The following GPC6 variants were observed in gnomAD, a reference collection of about 807,000 sequenced individuals.
GPC6 encodes glypican 6, also known as glypican-6.
GPC6 carries 14 observed loss-of-function variants against 55.2 expected under a neutral mutation model. The ratio of observed to expected loss-of-function variants is 0.25; its 90% CI spans 0.17 to 0.40. The LOEUF is 0.40. GPC6 is among the 10% of genes least tolerant of loss of function. GPC6 has a pLI of 1.00. For missense variants in GPC6, 641 were observed against 708.5 expected, an observed-to-expected ratio of 0.90 and a Z score of 1.08; for synonymous variants, 278 against 259.6, an observed-to-expected ratio of 1.07 and a Z score of -0.68.
intron 4 of GPC6, among the ~76,000 whole-genome samples, chr13:94,134,538 C>T (rs937928506): frequency 6.6e-6 from 1 of 152,154 alleles, no homozygotes; most frequent in Non-Finnish European, 1.5e-5. Context: ...CATAAACGTG[C>T]CCATTAGTTT....
chr13:93,987,713 C>T (rs1881094814), intron 3 of GPC6, among the ~76,000 whole-genome samples: 1 of 152,068 alleles, frequency 6.6e-6, no homozygotes, highest in Non-Finnish European at 1.5e-5. Context: ...CACTGTGACC[C>T]CCCTTCTTTT....
intron 1 of GPC6, among the ~76,000 whole-genome samples, chr13:93,425,745 T>C (rs1877101735): frequency 6.6e-6 from 1 of 152,180 alleles, no homozygotes; most frequent in Non-Finnish European, 1.5e-5. Context: ...CCATTTCCTA[T>C]GGCATAAATT....
chr13:93,301,591 C>T (rs536843865), intron 1 of GPC6, among the ~76,000 whole-genome samples: 4 of 152,266 alleles, frequency 2.6e-5, no homozygotes, highest in African/African-American at 9.6e-5. Context: ...ACTGTTGCTC[C>T]TTCTATAGTC....
At chr13:93,772,147 TA>T (rs1885322685) in intron 2 of GPC6, among the ~76,000 whole-genome samples, 2 of 152,176 alleles carry the variant, frequency 1.3e-5, no homozygotes, top group African/African-American at 2.4e-5. Context: ...AAAATAGTAA[TA>T]AAATGTCACT....
At chr13:93,874,660 C>G (rs1230032894) in intron 3 of GPC6, among the ~76,000 whole-genome samples, 2 of 150,622 alleles carry the variant, frequency 1.3e-5, no homozygotes, top group African/African-American at 4.9e-5. Context: ...CGTGTCTGTC[C>G]AACTAGATAG....
intron 1 of GPC6, among the ~76,000 whole-genome samples, chr13:93,468,061 G>T (rs1334916766): frequency 6.6e-6 from 1 of 152,074 alleles, no homozygotes; most frequent in South Asian, 2.1e-4. Flanking sequence ...TCAATCATTT[G>T]TCTTGATCTT....
intron 3 of GPC6, among the ~76,000 whole-genome samples, chr13:93,889,494 T>C (rs1875538580): frequency 6.6e-6 from 1 of 152,154 alleles, no homozygotes; most frequent in South Asian, 2.1e-4. Flanking sequence ...TATGGAGCTA[T>C]GGTTATCATC....
intron 8 of GPC6, among the ~76,000 whole-genome samples, chr13:94,402,678 T>C (rs1038742303): frequency 6.6e-6 from 1 of 152,274 alleles, no homozygotes; most frequent in Non-Finnish European, 1.5e-5. Context: ...GTTAATTAAC[T>C]CACAGTTCAG....
chr13:93,476,319 C>A (rs915411245), intron 1 of GPC6, among the ~76,000 whole-genome samples: 1 of 151,860 alleles, frequency 6.6e-6, no homozygotes, highest in South Asian at 2.1e-4. Context: ...TGTGCATGCG[C>A]GCAACTAAAT....
intron 4 of GPC6, among the ~76,000 whole-genome samples, chr13:94,054,912 AT>A (rs1884079141): frequency 6.6e-6 from 1 of 152,154 alleles, no homozygotes; most frequent in Admixed American, 6.5e-5. Context: ...TCAAACCCGA[AT>A]TAATCTTATT....
chr13:93,414,071 C>G (rs1331096563), intron 1 of GPC6, among the ~76,000 whole-genome samples: 1 of 152,182 alleles, frequency 6.6e-6, no homozygotes, highest in African/African-American at 2.4e-5. Flanking sequence ...TGAACAGGGA[C>G]CACATATTTG....
At chr13:93,950,569 T>C (rs1879208402) in intron 3 of GPC6, among the ~76,000 whole-genome samples, 1 of 152,206 alleles carries the variant, frequency 6.6e-6, no homozygotes, top group Non-Finnish European at 1.5e-5. Context: ...ATCCCACTTG[T>C]CCTTAACAGT....
chr13:93,403,743 A>G (rs1016582741), intron 1 of GPC6, among the ~76,000 whole-genome samples: 4 of 152,082 alleles, frequency 2.6e-5, no homozygotes, highest in Admixed American at 6.6e-5. Context: ...TTTAAAGGCA[A>G]TTGGAGCCTT....
intron 4 of GPC6, among the ~76,000 whole-genome samples, chr13:94,166,879 T>G (rs1248127602): frequency 6.6e-6 from 1 of 152,192 alleles, no homozygotes; most frequent in Non-Finnish European, 1.5e-5. Flanking sequence ...GTTTAAGAAC[T>G]TAATTATGAA....
At chr13:94,258,892 T>C (rs1891578625) in intron 4 of GPC6, among the ~76,000 whole-genome samples, 2 of 152,182 alleles carry the variant, frequency 1.3e-5, no homozygotes, top group South Asian at 4.1e-4. Context: ...GCAAAATGAT[T>C]GTTGCTTCTC....
At chr13:93,328,345 A>G (rs1364323726) in intron 1 of GPC6, among the ~76,000 whole-genome samples, 1 of 152,110 alleles carries the variant, frequency 6.6e-6, no homozygotes, top group Non-Finnish European at 1.5e-5. Flanking sequence ...TATAGAGGTT[A>G]CCTTGGTTGT....
chr13:93,805,910 T>C (rs1886530314), intron 2 of GPC6, among the ~76,000 whole-genome samples: 1 of 152,208 alleles, frequency 6.6e-6, no homozygotes, highest in Non-Finnish European at 1.5e-5. Flanking sequence ...TAAATGAGGC[T>C]ATAAGTCCTC....
chr13:94,334,359 C>A (rs1017985179), intron 6 of GPC6, among the ~76,000 whole-genome samples: 1 of 152,232 alleles, frequency 6.6e-6, no homozygotes, highest in Non-Finnish European at 1.5e-5. Context: ...ACATTACAAC[C>A]ACCTGGGGAA....
intron 2 of GPC6, among the ~76,000 whole-genome samples, chr13:93,701,580 A>C (rs1035120840): frequency 6.6e-5 from 10 of 152,044 alleles, no homozygotes; most frequent in Admixed American, 5.9e-4. Flanking sequence ...ATTAATTTTC[A>C]CAAATCTTTC....
Sources: gnomAD v4.1 joint callset for allele counts (sites outside exome capture counted in the v4.1 genomes callset) on GRCh38, gnomAD v4.1.1 for gene constraint, MANE v1.5 for transcripts, NCBI Gene and HGNC (gene_info 2026-07-23, HGNC 2026-07-21) for gene names.